The following MPP7 variants were observed in gnomAD, a reference collection of about 807,000 sequenced individuals.
MPP7 encodes the protein MAGUK p55 scaffold protein 7, also known as MAGUK p55 subfamily member 7.
Under a neutral mutation model 76.5 loss-of-function variants are expected in MPP7, and 60 were observed. The ratio of observed to expected loss-of-function variants is 0.78; its 90% confidence interval spans 0.64 to 0.97. The LOEUF is 0.97. MPP7 is among the 50% of genes least tolerant of loss of function. The probability of loss-of-function intolerance (pLI) is 0.00; values close to 1 mark genes in which losing one functional copy is unlikely to be tolerated. For synonymous variants in MPP7, 237 were observed against 244.5 expected (o/e 0.97, Z 0.29); for missense variants, 641 against 694.0 (o/e 0.92, Z 0.86).
chr10:28,202,361 C>T (rs566410582), intron 2 of MPP7, 90 bp from the exon 3 acceptor site: 5 of 799,394 alleles, frequency 6.3e-6, no homozygotes, highest in African/African-American at 3.5e-5. Context: ...CTGGAACATG[C>T]CAATTTTACT....
At chr10:28,155,838 G>C (rs1304040368) in intron 3 of MPP7, among the ~76,000 whole-genome samples, 1 of 151,990 alleles carries the variant, frequency 6.6e-6, no homozygotes, top group Non-Finnish European at 1.5e-5. Flanking sequence ...GGGTTCCTCA[G>C]GTTTCCCTTT....
At chr10:28,115,747 A>G (rs886369249) in intron 11 of MPP7, among the ~76,000 whole-genome samples, 20 of 152,188 alleles carry the variant, frequency 1.3e-4, no homozygotes, top group Non-Finnish European at 2.5e-4. Context: ...GTGATTATCA[A>G]CTGACAAATG....
chr10:28,302,069 G>A (rs1460008401), intron 1 of MPP7, among the ~76,000 whole-genome samples: 2 of 151,908 alleles, frequency 1.3e-5, no homozygotes, highest in African/African-American at 4.8e-5. Flanking sequence ...TTTTTTAAAT[G>A]TGAATATTGC....
At chr10:28,055,304 G>A (rs1156399719) in intron 16 of MPP7, among the ~76,000 whole-genome samples, 2 of 152,066 alleles carry the variant, frequency 1.3e-5, no homozygotes, top group Non-Finnish European at 2.9e-5. Flanking sequence ...TACTCAGAAC[G>A]GATATGTACT....
intron 1 of MPP7, among the ~76,000 whole-genome samples, chr10:28,292,889 T>A (rs965708541): frequency 5.3e-5 from 8 of 152,136 alleles, no homozygotes; most frequent in Non-Finnish European, 7.4e-5. Flanking sequence ...TACGAGTGTG[T>A]GGATCTTGAC....
At chr10:28,109,863 A>AAACAAAAAAAAAAAAAAAAAC (rs1564634810) in intron 11 of MPP7, among the ~76,000 whole-genome samples, 6 of 149,482 alleles carry the variant, frequency 4.0e-5, no homozygotes, top group Admixed American at 1.3e-4. Flanking sequence ...AAAAAAAAAA[A>AAACAAAAAAAAAAAAAAAAAC]AAAAAAAAAA....
chr10:28,112,921 A>T (rs920638168), intron 11 of MPP7, among the ~76,000 whole-genome samples: 6 of 152,178 alleles, frequency 3.9e-5, no homozygotes, highest in African/African-American at 1.4e-4. Context: ...TAACTTTCTC[A>T]TATCAGAAAC....
intron 3 of MPP7, among the ~76,000 whole-genome samples, chr10:28,193,573 T>C (rs1245919499): frequency 6.6e-6 from 1 of 152,162 alleles, no homozygotes; most frequent in African/African-American, 2.4e-5. Context: ...ATCTGTAAGT[T>C]AGACTTTAGT....
chr10:28,317,605 C>T (rs1218076300), intron 2 of MPP7, among the ~76,000 whole-genome samples: 2 of 152,164 alleles, frequency 1.3e-5, no homozygotes, highest in Non-Finnish European at 2.9e-5. Flanking sequence ...GCTCTCCTGA[C>T]TTCTAACCAC....
chr10:28,146,191 CTT>C (rs1835697069), intron 5 of MPP7, among the ~76,000 whole-genome samples: 1 of 152,170 alleles, frequency 6.6e-6, no homozygotes, highest in South Asian at 2.1e-4. Flanking sequence ...TTTTTACACA[CTT>C]TGTATTTAAC....
intron 2 of MPP7, among the ~76,000 whole-genome samples, chr10:28,317,372 A>G (rs1046995755): frequency 6.6e-6 from 1 of 152,148 alleles, no homozygotes; most frequent in Non-Finnish European, 1.5e-5. Flanking sequence ...TACCAAAAAT[A>G]AATAAATAAA....
intron 13 of MPP7, among the ~76,000 whole-genome samples, chr10:28,064,419 C>G (rs1420737641): frequency 6.6e-6 from 1 of 152,140 alleles, no homozygotes; most frequent in East Asian, 1.9e-4. Context: ...TCTATTGTGA[C>G]AGAACGCAGA....
intron 12 of MPP7, among the ~76,000 whole-genome samples, chr10:28,079,206 A>G (rs971196516): frequency 6.6e-6 from 1 of 152,230 alleles, no homozygotes. Flanking sequence ...TATGTATAAA[A>G]AACAAAAAGT....
chr10:28,087,393 T>C (rs543007639), intron 12 of MPP7, among the ~76,000 whole-genome samples: 10 of 152,252 alleles, frequency 6.6e-5, no homozygotes, highest in East Asian at 5.8e-4. Context: ...ATGCCTTTTT[T>C]TTTCTTTCTT....
chr10:28,278,974 A>C (rs1222297323), intron 1 of MPP7, among the ~76,000 whole-genome samples: 1 of 152,084 alleles, frequency 6.6e-6, no homozygotes, highest in Non-Finnish European at 1.5e-5. Context: ...AAGATATCAC[A>C]TGAAACATAT....
intron 1 of MPP7, among the ~76,000 whole-genome samples, chr10:28,257,209 GC>G (rs746926167): frequency 1.4e-4 from 22 of 152,110 alleles, no homozygotes; most frequent in Non-Finnish European, 2.4e-4. Context: ...GCGCAATTCA[GC>G]GTTTCATGTC....
intron 3 of MPP7, among the ~76,000 whole-genome samples, chr10:28,154,113 T>C (rs1835970617): frequency 6.6e-6 from 1 of 152,198 alleles, no homozygotes; most frequent in Non-Finnish European, 1.5e-5. Flanking sequence ...CTTTACAATG[T>C]AGGACTTGGT....
At chr10:28,058,169 T>C (rs960060337) in intron 15 of MPP7, among the ~76,000 whole-genome samples, 3 of 152,232 alleles carry the variant, frequency 2.0e-5, no homozygotes, top group African/African-American at 7.2e-5. Context: ...GCATTATGCA[T>C]GTAACAATGT....
At chr10:28,142,574 C>T (rs1370824398) in intron 5 of MPP7, among the ~76,000 whole-genome samples, 1 of 152,000 alleles carries the variant, frequency 6.6e-6, no homozygotes, top group Non-Finnish European at 1.5e-5. Context: ...TGTCAAAAAA[C>T]ACAAGAATTA....
Sources: allele counts gnomAD v4.1 joint callset (sites outside exome capture counted in the v4.1 genomes callset), GRCh38; gene constraint gnomAD v4.1.1; transcripts MANE v1.5; gene names NCBI Gene and HGNC (gene_info 2026-07-23, HGNC 2026-07-21).